Variants in SNAPC5 observed in about 807,000 individuals in gnomAD.
The protein encoded by SNAPC5 is snRNA-activating protein complex subunit 5.
Under a neutral mutation model 9.1 loss-of-function variants are expected in SNAPC5, and 12 were observed. The observed-to-expected ratio is 1.32, with a 90% CI of 0.85 to 2.15. SNAPC5 has a LOEUF of 2.15. Among genes scored for constraint, SNAPC5 ranks in the 30% most tolerant of loss-of-function variants. SNAPC5 has a pLI of 0.00. For missense variants in SNAPC5, 132 were observed against 114.4 expected (o/e 1.15, Z -0.70); for synonymous variants, 52 against 47.3 (o/e 1.10, Z -0.41).
chr15:66,492,702 A>T (rs555120626), downstream of SNAPC5, among the ~76,000 whole-genome samples: 99 of 150,742 alleles, frequency 6.6e-4, no homozygotes, highest in African/African-American at 2.3e-3. Context: ...TTTTTTTTTT[A>T]ATTTTTAGCC....
downstream of SNAPC5, among the ~76,000 whole-genome samples, chr15:66,492,928 C>T (rs529593107): frequency 1.6e-4 from 24 of 152,212 alleles, no homozygotes; most frequent in African/African-American, 5.8e-4. Flanking sequence ...TGTGGTAGAG[C>T]TGGAATTCAT....
chr15:66,497,654 C>T lies in SNAPC5; in HGVS notation c.78G>A (p.Leu26=). The change falls in exon 1 of 3, where the codon CTG becomes CTA. Residue 26 remains leucine, a synonymous_variant. Coordinates refer to ENST00000316634, the MANE Select transcript of SNAPC5 (RefSeq NM_001329615.2). ...LRLKAALHDQ[L]NRLKVEELAL... is the part of the protein sequence containing the mutation. ...GCCGCGGGGTCACCTTGAGGCGGTT[C>T]AGCTGGTCGTGCAGGGCTGCCTTCA... is the stretch of plus-strand genomic sequence containing the variant. The T allele has an allele frequency of 6.2e-7, 1 of 1,614,046 alleles. No homozygotes were observed. Among genetic ancestry groups the T allele is most frequent in the African/African-American group, 1.3e-5 (1 of 75,052 alleles).
chr15:66,490,845 T>C, downstream of SNAPC5: 1 of 604,936 alleles, frequency 1.7e-6, no homozygotes, highest in African/African-American at 1.8e-5. Context: ...TGGGGCTATT[T>C]GTGTGTATGC....
At position 66,494,958 on chromosome 15, in the gene SNAPC5, A is replaced by G. The variant is rs1381685151; in HGVS notation, c.180+372T>C. On this transcript the variant is annotated intron_variant, in intron 2 of 2. Coordinates refer to ENST00000316634, the MANE Select transcript of SNAPC5 (RefSeq NM_001329615.2). ...TGAGAACTGGAGCTCATCTTTTAGCACTGTGCCTTGTACTTGAAGCCACAC... is the reference window on the plus strand; with the variant it reads ...TGAGAACTGGAGCTCATCTTTTAGCGCTGTGCCTTGTACTTGAAGCCACAC... 6.1e-5 allele frequency: 21 copies of G among 342,130 alleles called. No individual in the cohort carries two copies. In the South Asian group the frequency reaches 6.5e-4, roughly 11 times the overall value. The allele number at this position is 342,130 out of a possible 1,614,324, so 21.2% of individuals were successfully genotyped here.
chr15:66,493,197 G>A (rs927017923), downstream of SNAPC5, among the ~76,000 whole-genome samples: 95 of 152,088 alleles, frequency 6.2e-4, no homozygotes, highest in African/African-American at 2.2e-3. Context: ...TTTGTGTTTT[G>A]TTTGGCTTTT....
At chr15:66,490,163 A>T (rs192372055), downstream of SNAPC5, 38 of 509,784 alleles carry the variant, frequency 7.5e-5, no homozygotes, top group East Asian at 1.2e-3. Flanking sequence ...ATATCTGGAC[A>T]GCCATAGACG....
At chr15:66,496,524 CTTTT>C (rs67040573) in intron 1 of SNAPC5, among the ~76,000 whole-genome samples, 3 of 141,218 alleles carry the variant, frequency 2.1e-5, no homozygotes, top group Non-Finnish European at 3.1e-5. Context: ...CTCCCTGGGA[CTTTT>C]TTTTTTTTTT....
chr15:66,490,321 G>A (rs764170138), downstream of SNAPC5: 12 of 704,802 alleles, frequency 1.7e-5, no homozygotes, highest in African/African-American at 1.7e-4. Context: ...CAGCTGCTGT[G>A]ACTGGTGGAG....
chr15:66,490,101 T>A (rs1342863236), downstream of SNAPC5: 1 of 529,896 alleles, frequency 1.9e-6, no homozygotes, highest in Non-Finnish European at 3.4e-6. Context: ...AGAGTCACTC[T>A]CCGCCTGCTG....
downstream of SNAPC5, chr15:66,490,602 C>T (rs1269249292): frequency 6.2e-7 from 1 of 1,613,860 alleles, no homozygotes; most frequent in Non-Finnish European, 8.5e-7. Context: ...CCAACCCATG[C>T]TGCTGGCGTC....
At chr15:66,492,475 C>T (rs1370375233), downstream of SNAPC5, among the ~76,000 whole-genome samples, 2 of 152,094 alleles carry the variant, frequency 1.3e-5, no homozygotes. Flanking sequence ...TTTTCTAAGT[C>T]AACAGTTTAA....
intron 1 of SNAPC5, chr15:66,497,112 G>A (rs566475900): frequency 2.4e-5 from 4 of 169,992 alleles, no homozygotes; most frequent in Admixed American, 1.9e-4. Flanking sequence ...CATGGCGTCA[G>A]TAACAAGAGC....
chr15:66,492,183 CT>C, downstream of SNAPC5: 1 of 390,694 alleles, frequency 2.6e-6, no homozygotes, highest in South Asian at 1.9e-5. Context: ...TTGGGAACTT[CT>C]TTTAGGTACA....
rs754124299 is a variant in SNAPC5, at chr15:66,494,429, C to T, written c.*7G>A. ...GTATAACTGACCAGCCTGGCTTTCC[C>T]CCTCCTTTAGGAATCTGATTCTTCT... On this transcript the variant is annotated 3_prime_UTR_variant, in exon 3 of 3. Transcript: ENST00000316634. 8 of 1,590,856 alleles carry T rather than the reference C, an allele frequency of 5.0e-6. No homozygotes were observed. The African/African-American group carries it at 5.4e-5, about 11-fold the overall frequency.
rs770863893 is a variant in SNAPC5 at position 66,497,735 on chromosome 15, G to A, written c.-4C>T. On this transcript the variant is annotated 5_prime_UTR_variant, in exon 1 of 3. Coordinates refer to ENST00000316634, the MANE Select transcript of SNAPC5 (RefSeq NM_001329615.2). ...GTTCCTGAAGCCGGCTCAGCATGTT[G>A]CCTGGTCACATAGCCAACCTCCGGG... 5 of 1,608,916 alleles carry A rather than the reference G, an allele frequency of 3.1e-6. No homozygotes were observed. Among genetic ancestry groups the A allele is most frequent in the Non-Finnish European group, 4.2e-6 (5 of 1,176,872 alleles).
At chr15:66,490,857 G>A, downstream of SNAPC5, 2 of 574,528 alleles carry the variant, frequency 3.5e-6, no homozygotes, top group East Asian at 3.1e-5. Flanking sequence ...TGTGTATGCT[G>A]ATGATCAAAA....
Position 66,494,460 on chromosome 15 carries a change from TTCCTCC to T in SNAPC5, c.267_272del (p.Glu94_Glu95del), listed in dbSNP as rs749272921. 16 of 1,612,332 alleles carry T rather than the reference TTCCTCC, an allele frequency of 9.9e-6. No individual in the cohort carries two copies. Among genetic ancestry groups the T allele is most frequent in the African/African-American group, 4.0e-5 (3 of 74,886 alleles). ...TTTAGGAATCTGATTCTTCTTCCTCTTCCTCCTCCTCCTCTTCCGTCACATGACTCT... is the reference window on the plus strand; with the variant it reads ...TTTAGGAATCTGATTCTTCTTCCTCTTCCTCCTCTTCCGTCACATGACTCT... On this transcript the variant is annotated inframe_deletion, in exon 3 of 3. Transcript: ENST00000316634.
At chr15:66,492,027 A>G (rs776374944), downstream of SNAPC5, 3 of 456,684 alleles carry the variant, frequency 6.6e-6, no homozygotes, top group South Asian at 1.5e-5. Context: ...TCTGCACAAC[A>G]TAGGACAGTC....
chr15:66,490,441 T>G, downstream of SNAPC5: 1 of 1,219,680 alleles, frequency 8.2e-7, no homozygotes, highest in Non-Finnish European at 1.2e-6. Context: ...TTTTCCTTCC[T>G]GGTGGGTTTT....
Sources: allele counts gnomAD v4.1 joint callset (sites outside exome capture counted in the v4.1 genomes callset), GRCh38; gene constraint gnomAD v4.1.1; transcripts MANE v1.5; gene names NCBI Gene and HGNC (gene_info 2026-07-23, HGNC 2026-07-21).